Variants in STK32B observed in about 807,000 individuals in gnomAD.
STK32B encodes the protein serine/threonine-protein kinase 32B.
In STK32B, 43 loss-of-function variants were observed where a neutral mutation model predicts 52.6. The observed-to-expected ratio is 0.82, with a 90% confidence interval of 0.64 to 1.05. The LOEUF (loss-of-function observed/expected upper bound fraction) is 1.05. STK32B is among the 50% of genes least tolerant of loss of function. STK32B has a pLI of 0.00. For missense variants in STK32B, 621 were observed against 534.6 expected (o/e 1.16, Z -1.59); for synonymous variants, 238 against 204.3 (o/e 1.17, Z -1.41).
At chr4:5,344,758 C>T (rs1253535663) in intron 4 of STK32B, among the ~76,000 whole-genome samples, 1 of 151,486 alleles carries the variant, frequency 6.6e-6, no homozygotes, top group Non-Finnish European at 1.5e-5. Context: ...CTAGCCAACA[C>T]CTTTCTTTAG....
At chr4:5,111,419 G>A (rs1274710823) in intron 1 of STK32B, among the ~76,000 whole-genome samples, 1 of 152,150 alleles carries the variant, frequency 6.6e-6, no homozygotes, top group Non-Finnish European at 1.5e-5. Flanking sequence ...GTGTGCAATG[G>A]AATAGTATAC....
intron 3 of STK32B, among the ~76,000 whole-genome samples, chr4:5,317,698 C>T (rs1731199028): frequency 6.7e-6 from 1 of 150,068 alleles, no homozygotes; most frequent in Non-Finnish European, 1.5e-5. Context: ...CTGCAAAGAG[C>T]TCCTATTCTT....
At chr4:5,153,906 A>G (rs1479263675) in intron 2 of STK32B, among the ~76,000 whole-genome samples, 1 of 152,226 alleles carries the variant, frequency 6.6e-6, no homozygotes, top group Non-Finnish European at 1.5e-5. Context: ...TAAGATGGCA[A>G]TTCTCTGCAA....
In STK32B at chr4:5,458,074, A is replaced by G. The variant is rs533586647; in HGVS notation, c.783+1151A>G. Among the ~76,000 whole-genome samples the G allele has an allele frequency of 5.9e-5, 9 of 152,332 alleles. No individual in the cohort carries two copies. The East Asian group carries it at 1.2e-3, about 20-fold the overall frequency. ...TATGGGCCTAGGACCAGCCAGCATC[A>G]GTGTCATGTGGGAGCCTGTTAGAAA... On this transcript the variant is annotated intron_variant, in intron 8 of 11. Coordinates refer to ENST00000282908, the MANE Select transcript of STK32B (RefSeq NM_018401.3).
intron 6 of STK32B, among the ~76,000 whole-genome samples, chr4:5,440,207 T>C (rs1714583778): frequency 6.6e-6 from 1 of 152,344 alleles, no homozygotes; most frequent in Non-Finnish European, 1.5e-5. Flanking sequence ...TATGGCCATT[T>C]TCACGATATT....
At chr4:5,033,193 G>T in the STK32B span, among the ~76,000 whole-genome samples, 2 of 152,190 alleles carry the variant, frequency 1.3e-5, no homozygotes, top group Non-Finnish European at 2.9e-5. Flanking sequence ...GAACGCTGGC[G>T]GAATGAGGGA....
intron 3 of STK32B, among the ~76,000 whole-genome samples, chr4:5,274,855 C>T (rs963436223): frequency 6.6e-6 from 1 of 152,226 alleles, no homozygotes. Flanking sequence ...CCCTCCAGAT[C>T]CAGCAGGGTG....
intron 1 of STK32B, among the ~76,000 whole-genome samples, chr4:5,131,221 C>A (rs960499480): frequency 6.6e-6 from 1 of 152,204 alleles, no homozygotes; most frequent in Non-Finnish European, 1.5e-5. Flanking sequence ...TGCACCAGCA[C>A]TAAGGGCTTG....
chr4:5,414,555 G>A (rs1178645562), intron 5 of STK32B, among the ~76,000 whole-genome samples: 2 of 152,146 alleles, frequency 1.3e-5, no homozygotes, highest in African/African-American at 4.8e-5. Context: ...GGGGACATTG[G>A]GGAGCACTGT....
the STK32B span, among the ~76,000 whole-genome samples, chr4:5,027,466 A>G: frequency 6.6e-6 from 1 of 152,264 alleles, no homozygotes; most frequent in East Asian, 1.9e-4. Context: ...TAGGAGAAAA[A>G]CTACAGGCTT....
intron 3 of STK32B, among the ~76,000 whole-genome samples, chr4:5,196,965 A>G (rs1044965342): frequency 2.6e-5 from 4 of 151,952 alleles, no homozygotes; most frequent in Admixed American, 1.3e-4. Context: ...TCTCCTTTCA[A>G]ATCTCTAGAA....
At chr4:5,274,316 G>GA (rs1727661067) in intron 3 of STK32B, among the ~76,000 whole-genome samples, 1 of 152,158 alleles carries the variant, frequency 6.6e-6, no homozygotes, top group Non-Finnish European at 1.5e-5. Flanking sequence ...TTTTAAAATA[G>GA]AACCACAAAG....
intron 11 of STK32B, among the ~76,000 whole-genome samples, chr4:5,474,341 C>T (rs1244996445): frequency 6.6e-6 from 1 of 152,108 alleles, no homozygotes; most frequent in East Asian, 1.9e-4. Context: ...GTGCTGTGAC[C>T]CCAGTGAAGC....
intron 6 of STK32B, among the ~76,000 whole-genome samples, chr4:5,440,007 T>A (rs942980068): frequency 6.6e-6 from 1 of 152,154 alleles, no homozygotes; most frequent in Non-Finnish European, 1.5e-5. Context: ...GTTACTGTAG[T>A]CTTGTAGTAT....
chr4:5,487,355 C>T (rs1461303420), intron 11 of STK32B, among the ~76,000 whole-genome samples: 14 of 152,130 alleles, frequency 9.2e-5, no homozygotes, highest in Non-Finnish European at 1.6e-4. Flanking sequence ...GGAGACTTGG[C>T]ATCACAAAGA....
intron 1 of STK32B, among the ~76,000 whole-genome samples, chr4:5,061,033 G>A (rs79934557): frequency 0.012 from 1,805 of 152,200 alleles, 40 homozygotes; most frequent in African/African-American, 0.042. Flanking sequence ...GTATCTTAGT[G>A]GCTTTGTTAG....
intron 5 of STK32B, among the ~76,000 whole-genome samples, chr4:5,401,370 A>G (rs1030659063): frequency 1.5e-4 from 23 of 152,218 alleles, no homozygotes; most frequent in African/African-American, 5.1e-4. Context: ...TTTCTCAGAG[A>G]ACAAGTTGGT....
chr4:5,331,260 G>A lies in STK32B; in HGVS notation c.301G>A (p.Asp101Asn). 1.2e-6 allele frequency: 2 copies of A among 1,613,820 alleles called. No homozygotes were observed. Among genetic ancestry groups the A allele is most frequent in the Non-Finnish European group, 1.7e-6 (2 of 1,179,836 alleles). Reference protein sequence around the residue: ...QDEEDMFMVVDLLLGGDLRYH... With the variant: ...QDEEDMFMVVNLLLGGDLRYH... The stretch of plus-strand genomic sequence containing the variant: ...TGAGGAGGACATGTTCATGGTGGTG[G>A]ACCTGCTCCTGGGAGGCGACCTGCG... Residue 101 changes from aspartate to asparagine, a missense_variant, in exon 4 of 12, where the codon GAC becomes AAC. By Grantham distance (23) the Asp-to-Asn change is conservative. Transcript: ENST00000282908.
chr4:5,084,890 G>C (rs138243472), intron 1 of STK32B, among the ~76,000 whole-genome samples: 1 of 152,152 alleles, frequency 6.6e-6, no homozygotes, highest in Non-Finnish European at 1.5e-5. Flanking sequence ...TAATCTGTAG[G>C]TTGAACAACA....
Sources: gnomAD v4.1 joint callset for allele counts (sites outside exome capture counted in the v4.1 genomes callset) on GRCh38, gnomAD v4.1.1 for gene constraint, MANE v1.5 for transcripts, NCBI Gene and HGNC (gene_info 2026-07-23, HGNC 2026-07-21) for gene names.